EPB41L2: variants seen among roughly 807,000 people sequenced by gnomAD.
EPB41L2 encodes the protein erythrocyte membrane protein band 4.1 like 2.
In EPB41L2, 43 loss-of-function variants were observed where a neutral mutation model predicts 113.0. The ratio of observed to expected loss-of-function variants is 0.38; its 90% confidence interval spans 0.30 to 0.49. EPB41L2 has a LOEUF of 0.49. Ranked by LOEUF, EPB41L2 falls within the 20% of genes least tolerant of loss-of-function variation. The pLI, the probability that EPB41L2 is intolerant of heterozygous loss-of-function variation, is 0.95. For synonymous variants in EPB41L2, 442 were observed against 436.7 expected, an observed-to-expected ratio of 1.01 and a Z score of -0.15; for missense variants, 1,147 against 1,223.4, an observed-to-expected ratio of 0.94 and a Z score of 0.93.
chr6:130,914,576 T>G (rs1416910245), intron 4 of EPB41L2, among the ~76,000 whole-genome samples: 2 of 152,158 alleles, frequency 1.3e-5, no homozygotes, highest in African/African-American at 4.8e-5. Context: ...CATGGACAAC[T>G]GCCCAGAACA....
chr6:131,062,037 C>T lies in EPB41L2; in HGVS notation c.-15+1118G>A, dbSNP rs114346295. On this transcript the variant is annotated intron_variant, in intron 1 of 19. Coordinates refer to ENST00000337057, the MANE Select transcript of EPB41L2 (RefSeq NM_001431.4). ...TCTAGATTCCACCTTCTCTCCCATC[C>T]ACCCAGGGATCTTAAAATTAAGGGC... 5.2e-3 allele frequency among the ~76,000 whole-genome samples: 794 copies of T among 152,142 alleles called. 6 individuals are homozygous for T. Among genetic ancestry groups the T allele is most frequent in the African/African-American group, 0.019 (780 of 41,518 alleles).
At chr6:131,014,847 T>A (rs1432125222) in intron 1 of EPB41L2, among the ~76,000 whole-genome samples, 6 of 152,226 alleles carry the variant, frequency 3.9e-5, no homozygotes, top group African/African-American at 1.2e-4. Flanking sequence ...GAACTTCTTT[T>A]CTGAATTTAA....
intron 3 of EPB41L2, among the ~76,000 whole-genome samples, chr6:130,931,294 C>G (rs533862967): frequency 6.6e-6 from 1 of 152,138 alleles, no homozygotes; most frequent in East Asian, 1.9e-4. Context: ...AAGGTTCTAA[C>G]ACGCATTATT....
At chr6:131,015,667 TG>T (rs1788027147) in intron 1 of EPB41L2, among the ~76,000 whole-genome samples, 1 of 152,196 alleles carries the variant, frequency 6.6e-6, no homozygotes, top group South Asian at 2.1e-4. Context: ...ACAAAAGAGA[TG>T]AAAAATACAG....
intron 1 of EPB41L2, among the ~76,000 whole-genome samples, chr6:131,055,721 T>C (rs1797451053): frequency 6.6e-6 from 1 of 152,210 alleles, no homozygotes; most frequent in African/African-American, 2.4e-5. Context: ...CCTCAGTTTC[T>C]CATCCGTAAA....
At chr6:130,906,442 AT>A (rs903404640) in intron 5 of EPB41L2, among the ~76,000 whole-genome samples, 1 of 152,168 alleles carries the variant, frequency 6.6e-6, no homozygotes, top group Non-Finnish European at 1.5e-5. Context: ...TTCACATACT[AT>A]TTTTGCAGTG....
chr6:130,928,634 TC>T (rs940290365), intron 3 of EPB41L2, among the ~76,000 whole-genome samples: 1 of 152,356 alleles, frequency 6.6e-6, no homozygotes, highest in Non-Finnish European at 1.5e-5. Context: ...GAACATGCCC[TC>T]ATGGGCAGAA....
chr6:131,057,403 G>A (rs1314429264), intron 1 of EPB41L2, among the ~76,000 whole-genome samples: 1 of 152,192 alleles, frequency 6.6e-6, no homozygotes, highest in Non-Finnish European at 1.5e-5. Flanking sequence ...TGAATCTAGG[G>A]TGAAAAACAA....
chr6:130,895,144 A>G (rs1226707809), intron 8 of EPB41L2, 25 bp from the exon 9 acceptor site: 2 of 1,590,030 alleles, frequency 1.3e-6, no homozygotes, highest in African/African-American at 1.3e-5. Context: ...CCAATTAACC[A>G]TGGTTAAGAG....
intron 1 of EPB41L2, among the ~76,000 whole-genome samples, chr6:131,051,616 G>C (rs1796577301): frequency 6.6e-6 from 1 of 152,124 alleles, no homozygotes; most frequent in African/African-American, 2.4e-5. Context: ...TTGGTGGGGG[G>C]CCTACGAGAA....
intron 1 of EPB41L2, chr6:131,015,445 G>C (rs1002032127): frequency 6.6e-6 from 1 of 152,174 alleles, no homozygotes; most frequent in Admixed American, 6.5e-5. Flanking sequence ...CTAGGCCAAC[G>C]TTATCCAGAG....
At chr6:130,913,483 A>G (rs909100135) in intron 4 of EPB41L2, among the ~76,000 whole-genome samples, 2 of 152,170 alleles carry the variant, frequency 1.3e-5, no homozygotes, top group Non-Finnish European at 2.9e-5. Context: ...GGAACAGACC[A>G]TATTATTTAT....
rs565020735 is a variant in EPB41L2 at position 130,982,607 on chromosome 6, G to A, written c.-14-26108C>T. ...TGAAAACTTTGTGTCAAAACGTAAA[G>A]AACTCAATATTCCAAGAATTATGCA... On this transcript the variant is annotated intron_variant, in intron 1 of 19. Transcript: ENST00000337057. 1.2e-4 allele frequency among the ~76,000 whole-genome samples: 18 copies of A among 152,272 alleles called. No individual in the cohort carries two copies. In the South Asian group the frequency reaches 1.2e-3, roughly 11 times the overall value.
At chr6:130,872,754 C>A (rs956184763) in intron 14 of EPB41L2, among the ~76,000 whole-genome samples, 2 of 152,144 alleles carry the variant, frequency 1.3e-5, no homozygotes, top group East Asian at 1.9e-4. Context: ...TTGATAGTTG[C>A]GACCTCCAGA....
chr6:130,935,771 T>A (rs1221972305), intron 3 of EPB41L2, among the ~76,000 whole-genome samples: 1 of 152,224 alleles, frequency 6.6e-6, no homozygotes, highest in Non-Finnish European at 1.5e-5. Context: ...TCAATAGTTT[T>A]CAAGACACAA....
chr6:130,872,938 C>T (rs1441618043), intron 14 of EPB41L2, among the ~76,000 whole-genome samples: 4 of 152,204 alleles, frequency 2.6e-5, no homozygotes, highest in African/African-American at 9.7e-5. Flanking sequence ...AGTCCTCCCT[C>T]TCCTGCCTCC....
At chr6:131,053,651 T>C (rs182622085) in intron 1 of EPB41L2, among the ~76,000 whole-genome samples, 474 of 152,186 alleles carry the variant, frequency 3.1e-3, no homozygotes, top group Non-Finnish European at 5.6e-3. Flanking sequence ...ATGTACCTAA[T>C]CACAAGAAAC....
rs544031047 is a variant in EPB41L2, at chr6:130,954,333, T to G, written c.705+772A>C. 1.1e-4 allele frequency among the ~76,000 whole-genome samples: 17 copies of G among 152,186 alleles called. No homozygotes were observed. The East Asian group carries it at 2.1e-3, about 19-fold the overall frequency. On this transcript the variant is annotated intron_variant, in intron 3 of 19. Coordinates refer to ENST00000337057, the MANE Select transcript of EPB41L2 (RefSeq NM_001431.4). ...CTCCCAAAGTGCTGGGATTACAGGC[T>G]TGAGCCACCGCACCCAGCCCTAAAA...
chr6:130,885,132 T>G lies in EPB41L2; in HGVS notation c.1797A>C (p.Pro599=). Residue 599 remains proline (P), a synonymous_variant, in exon 12 of 20, where the codon CCA becomes CCC. Coordinates refer to ENST00000337057, the MANE Select transcript of EPB41L2 (RefSeq NM_001431.4). ...TGAGCTGCAAATGTGGGGCTTTAGTTGGGCTTCTCACTTCCCTCCTGCCGT... is the reference window on the plus strand; with the variant it reads ...TGAGCTGCAAATGTGGGGCTTTAGTGGGGCTTCTCACTTCCCTCCTGCCGT... ...DGDGRREVRS[P]TKAPHLQLIE... is the part of the protein sequence containing the mutation. 6.2e-7 allele frequency: 1 copy of G among 1,614,168 alleles called. No individual in the cohort carries two copies. The highest frequency in any genetic ancestry group is 8.5e-7 in the Non-Finnish European group (1 of 1,180,010).
Sources: gnomAD v4.1 joint callset for allele counts (sites outside exome capture counted in the v4.1 genomes callset) on GRCh38, gnomAD v4.1.1 for gene constraint, MANE v1.5 for transcripts, NCBI Gene and HGNC (gene_info 2026-07-23, HGNC 2026-07-21) for gene names.